The following PTPRD variants were observed in gnomAD, a reference collection of about 807,000 sequenced individuals.
PTPRD encodes protein tyrosine phosphatase receptor type D, also known as receptor-type tyrosine-protein phosphatase delta.
Under a neutral mutation model 214.5 loss-of-function variants are expected in PTPRD, and 34 were observed. The ratio of observed to expected loss-of-function variants is 0.16; its 90% CI spans 0.12 to 0.21. The LOEUF is 0.21. Ranked by LOEUF, PTPRD falls within the 10% of genes least tolerant of loss-of-function variation. The probability of loss-of-function intolerance (pLI) is 1.00; values close to 1 mark genes in which losing one functional copy is unlikely to be tolerated. For missense variants in PTPRD, 2,545 were observed against 2,398.7 expected (o/e 1.06, Z -1.27); for synonymous variants, 1,128 against 845.7 (o/e 1.33, Z -5.79).
At chr9:8,870,795 G>C (rs72704336) in intron 11 of PTPRD, among the ~76,000 whole-genome samples, 3,266 of 122,562 alleles carry the variant, frequency 0.027, 47 homozygotes, top group Non-Finnish European at 0.037. Context: ...GGAGGAGGAA[G>C]GGTGGAACCC....
chr9:8,513,470 C>T (rs1262217251), intron 21 of PTPRD, among the ~76,000 whole-genome samples: 2 of 151,896 alleles, frequency 1.3e-5, no homozygotes, highest in Non-Finnish European at 2.9e-5. Flanking sequence ...GTGAATGTCA[C>T]AGAATGAAAG....
At chr9:9,564,884 G>GT (rs1191664969) in intron 8 of PTPRD, among the ~76,000 whole-genome samples, 10,574 of 48,720 alleles carry the variant, frequency 0.22, 4,187 homozygotes, top group East Asian at 0.52. Context: ...TGAATCTTCT[G>GT]TTTTTTTTTT....
intron 3 of PTPRD, among the ~76,000 whole-genome samples, chr9:10,253,547 C>T (rs2092979065): frequency 6.6e-6 from 1 of 152,168 alleles, no homozygotes; most frequent in African/African-American, 2.4e-5. Context: ...AAACATAGTA[C>T]ATGTCTGAAT....
chr9:8,388,018 T>A (rs953379062), intron 37 of PTPRD, among the ~76,000 whole-genome samples: 1 of 152,244 alleles, frequency 6.6e-6, no homozygotes, highest in Non-Finnish European at 1.5e-5. Context: ...AATTCCCATT[T>A]TAGACAATAT....
chr9:8,653,855 T>C (rs550157193), intron 12 of PTPRD, among the ~76,000 whole-genome samples: 89 of 152,324 alleles, frequency 5.8e-4, no homozygotes, highest in African/African-American at 1.9e-3. Context: ...TCAAGACCAA[T>C]TGCTTCACTT....
At chr9:9,183,219 C>T (rs1395649411) in intron 10 of PTPRD, 85 bp downstream of exon 10, 3 of 151,850 alleles carry the variant, frequency 2.0e-5, no homozygotes, top group African/African-American at 4.8e-5. Context: ...AACCAATATT[C>T]GTTGAGTTGA....
intron 21 of PTPRD, among the ~76,000 whole-genome samples, chr9:8,515,283 T>C (rs1289078096): frequency 6.6e-6 from 1 of 152,214 alleles, no homozygotes; most frequent in Non-Finnish European, 1.5e-5. Flanking sequence ...CTAATTGGTT[T>C]GTGAGAATAA....
intron 9 of PTPRD, among the ~76,000 whole-genome samples, chr9:9,342,237 A>G (rs1433741644): frequency 6.6e-6 from 1 of 152,202 alleles, no homozygotes; most frequent in East Asian, 1.9e-4. Context: ...GTCATGCTTT[A>G]TAGAACTCCC....
At chr9:9,450,254 A>G (rs2091770648) in intron 8 of PTPRD, among the ~76,000 whole-genome samples, 2 of 151,860 alleles carry the variant, frequency 1.3e-5, no homozygotes, top group Admixed American at 1.3e-4. Flanking sequence ...TTTTTGTATA[A>G]TGACTTCTTT....
intron 14 of PTPRD, among the ~76,000 whole-genome samples, chr9:8,624,325 T>A (rs2154304653): frequency 6.6e-6 from 1 of 152,086 alleles, no homozygotes; most frequent in Admixed American, 6.6e-5. Context: ...CAGATTGTTG[T>A]ATCATCCTAT....
chr9:10,521,143 T>C (rs1228535308), intron 2 of PTPRD, among the ~76,000 whole-genome samples: 1 of 152,060 alleles, frequency 6.6e-6, no homozygotes. Flanking sequence ...TAGATGCCAT[T>C]AAGAACATTT....
intron 5 of PTPRD, among the ~76,000 whole-genome samples, chr9:9,881,546 C>T (rs1284513847): frequency 1.3e-5 from 2 of 152,060 alleles, no homozygotes; most frequent in Non-Finnish European, 2.9e-5. Flanking sequence ...TGAAAATAAA[C>T]TGGGATGATT....
chr9:9,286,081 T>C (rs536258055), intron 9 of PTPRD, among the ~76,000 whole-genome samples: 29 of 151,946 alleles, frequency 1.9e-4, no homozygotes, highest in Admixed American at 9.2e-4. Flanking sequence ...TTAGTATACA[T>C]AAATTTTCTG....
intron 11 of PTPRD, among the ~76,000 whole-genome samples, chr9:8,795,942 G>A (rs2096405738): frequency 6.6e-6 from 1 of 152,108 alleles, no homozygotes; most frequent in South Asian, 2.1e-4. Context: ...TTTTTACCTT[G>A]TATAGTTACA....
intron 12 of PTPRD, among the ~76,000 whole-genome samples, chr9:8,694,503 A>C (rs1452455493): frequency 6.6e-6 from 1 of 152,214 alleles, no homozygotes; most frequent in East Asian, 1.9e-4. Context: ...TAGAAAAGTT[A>C]AATGTATAAG....
intron 11 of PTPRD, among the ~76,000 whole-genome samples, chr9:8,742,969 G>A (rs1446985368): frequency 6.6e-6 from 1 of 152,034 alleles, no homozygotes; most frequent in African/African-American, 2.4e-5. Flanking sequence ...CACAGATACT[G>A]CCAAATACCC....
intron 7 of PTPRD, among the ~76,000 whole-genome samples, chr9:9,720,436 C>T (rs565322946): frequency 2.0e-5 from 3 of 152,208 alleles, no homozygotes; most frequent in African/African-American, 7.2e-5. Context: ...TGTCACTAGG[C>T]GTTTTACATT....
At chr9:8,973,385 G>A (rs910758863) in intron 11 of PTPRD, among the ~76,000 whole-genome samples, 13 of 152,006 alleles carry the variant, frequency 8.6e-5, no homozygotes, top group African/African-American at 3.1e-4. Context: ...TTGCTGCAAA[G>A]GACATGATTT....
In PTPRD at chr9:8,436,665, G is replaced by C. The variant is rs1198182178; in HGVS notation, c.4013C>G (p.Pro1338Arg). The C allele has an allele frequency of 1.9e-6, 3 of 1,613,040 alleles. No homozygotes were observed. The highest frequency in any genetic ancestry group is 2.5e-6 in the Non-Finnish European group (3 of 1,179,500). ...AATGTGGTCTGCAAGTTCCAAGATGGGTATTGGAGGATGGCTAGCCATACC... is the reference window on the plus strand; with the variant it reads ...AATGTGGTCTGCAAGTTCCAAGATGCGTATTGGAGGATGGCTAGCCATACC... ...TPGMASHPPI[P>R]ILELADHIER... The change falls in exon 35 of 46, where the codon CCC becomes CGC. Residue 1338 changes from proline to arginine, a missense_variant. Physicochemically the swap from Pro to Arg is moderately radical, Grantham distance 103. Coordinates refer to ENST00000381196, the MANE Select transcript of PTPRD (RefSeq NM_002839.4).
Sources: allele counts gnomAD v4.1 joint callset (sites outside exome capture counted in the v4.1 genomes callset), GRCh38; gene constraint gnomAD v4.1.1; transcripts MANE v1.5; gene names NCBI Gene and HGNC (gene_info 2026-07-23, HGNC 2026-07-21).